SRBD1: variants seen among roughly 807,000 people sequenced by gnomAD.
SRBD1 encodes the protein S1 RNA binding domain 1.
Under a neutral mutation model 115.3 loss-of-function variants are expected in SRBD1, and 88 were observed. The ratio of observed to expected loss-of-function variants is 0.76; its 90% CI spans 0.64 to 0.91. The LOEUF (loss-of-function observed/expected upper bound fraction) is 0.91, where lower values mean the gene tolerates loss of function less well. Among genes scored for constraint, SRBD1 ranks in the 40% least tolerant of loss-of-function variants. The pLI, the probability that SRBD1 is intolerant of heterozygous loss-of-function variation, is 0.00. For missense variants in SRBD1, 1,385 were observed against 1,177.4 expected, an observed-to-expected ratio of 1.18 and a Z score of -2.58; for synonymous variants, 509 against 407.7, an observed-to-expected ratio of 1.25 and a Z score of -2.99.
chr2:45,430,486 G>A (rs547366895), intron 16 of SRBD1, among the ~76,000 whole-genome samples: 6 of 152,110 alleles, frequency 3.9e-5, no homozygotes, highest in Admixed American at 6.5e-5. Flanking sequence ...CAGCAATAAC[G>A]TCACACATCT....
At chr2:45,502,054 G>A (rs1013628798) in intron 14 of SRBD1, among the ~76,000 whole-genome samples, 15 of 152,198 alleles carry the variant, frequency 9.9e-5, no homozygotes, top group Admixed American at 2.6e-4. Context: ...GGGGCAGACT[G>A]ACACCTCACA....
intron 7 of SRBD1, among the ~76,000 whole-genome samples, chr2:45,576,951 A>G (rs1462117651): frequency 6.6e-6 from 1 of 152,186 alleles, no homozygotes; most frequent in East Asian, 1.9e-4. Flanking sequence ...AAATTGTGCT[A>G]GAGCGCTAGA....
At chr2:45,559,282 T>C (rs1459338242) in intron 10 of SRBD1, among the ~76,000 whole-genome samples, 1 of 152,074 alleles carries the variant, frequency 6.6e-6, no homozygotes, top group Non-Finnish European at 1.5e-5. Flanking sequence ...CCACCATCCT[T>C]AAAAGAAAAA....
intron 9 of SRBD1, among the ~76,000 whole-genome samples, chr2:45,568,257 T>C (rs568087150): frequency 3.3e-4 from 51 of 152,246 alleles, no homozygotes; most frequent in Non-Finnish European, 5.3e-4. Context: ...AAGAATTTAC[T>C]AAGCAGCTAT....
intron 17 of SRBD1, among the ~76,000 whole-genome samples, chr2:45,419,024 G>C (rs939668703): frequency 1.1e-4 from 16 of 152,094 alleles, no homozygotes; most frequent in African/African-American, 3.6e-4. Flanking sequence ...AATTGTCATG[G>C]TTAGTATAAA....
intron 14 of SRBD1, among the ~76,000 whole-genome samples, chr2:45,523,995 C>G (rs1441729493): frequency 1.3e-5 from 2 of 151,974 alleles, no homozygotes; most frequent in Non-Finnish European, 2.9e-5. Context: ...AAGACTGATT[C>G]AACAACCAAA....
At chr2:45,390,396 T>C (rs1433821958) in intron 20 of SRBD1, among the ~76,000 whole-genome samples, 1 of 152,238 alleles carries the variant, frequency 6.6e-6, no homozygotes, top group Non-Finnish European at 1.5e-5. Context: ...TTGTTCATTA[T>C]TGTCCAAAAG....
At chr2:45,539,163 A>C (rs1270498492) in intron 14 of SRBD1, among the ~76,000 whole-genome samples, 1 of 152,140 alleles carries the variant, frequency 6.6e-6, no homozygotes, top group Non-Finnish European at 1.5e-5. Flanking sequence ...ACCTGGATTC[A>C]TCTTTCACTG....
At chr2:45,454,770 T>C (rs1669103007) in intron 16 of SRBD1, among the ~76,000 whole-genome samples, 1 of 151,866 alleles carries the variant, frequency 6.6e-6, no homozygotes, top group South Asian at 2.1e-4. Flanking sequence ...GTCACAATCA[T>C]TCAGCAAATT....
At chr2:45,601,287 C>G (rs575494476) in intron 3 of SRBD1, among the ~76,000 whole-genome samples, 1 of 152,310 alleles carries the variant, frequency 6.6e-6, no homozygotes, top group South Asian at 2.1e-4. Context: ...ACTTAATTCC[C>G]TATTCAGATT....
At chr2:45,409,430 G>T (rs1411579865) in intron 19 of SRBD1, among the ~76,000 whole-genome samples, 3 of 148,946 alleles carry the variant, frequency 2.0e-5, no homozygotes, top group African/African-American at 5.0e-5. Context: ...CTGAACCATG[G>T]CCCAAAGTTG....
chr2:45,494,570 A>T (rs1416893630), intron 14 of SRBD1, among the ~76,000 whole-genome samples: 1 of 152,246 alleles, frequency 6.6e-6, no homozygotes, highest in Non-Finnish European at 1.5e-5. Flanking sequence ...CCATTTAAGA[A>T]GCAAATGAAT....
chr2:45,546,300 T>C (rs1672117348), intron 14 of SRBD1: 2 of 985,448 alleles, frequency 2.0e-6, no homozygotes, highest in Non-Finnish European at 2.4e-6. Context: ...AAATACTTTT[T>C]AATTCATAAT....
At chr2:45,448,075 T>C (rs1201466999) in intron 16 of SRBD1, 1 of 152,194 alleles carries the variant, frequency 6.6e-6, no homozygotes, top group Non-Finnish European at 1.5e-5. Context: ...CTGAGTCCTC[T>C]CTTCAATAAG....
At chr2:45,520,967 G>A (rs1401888637) in intron 14 of SRBD1, among the ~76,000 whole-genome samples, 2 of 152,126 alleles carry the variant, frequency 1.3e-5, no homozygotes, top group African/African-American at 4.8e-5. Flanking sequence ...AAAGGCAGAG[G>A]GTCCTCTGAG....
chr2:45,599,931 C>T (rs1206340088), intron 3 of SRBD1, 96 bp from the exon 4 acceptor site: 7 of 1,318,042 alleles, frequency 5.3e-6, no homozygotes, highest in Non-Finnish European at 7.1e-6. Flanking sequence ...ATTATTGATA[C>T]ACACAATAAC....
intron 16 of SRBD1, among the ~76,000 whole-genome samples, chr2:45,428,844 C>CA (rs1168763783): frequency 6.6e-6 from 1 of 151,916 alleles, no homozygotes; most frequent in African/African-American, 2.4e-5. Flanking sequence ...GATACAGATA[C>CA]AAAAAACTCT....
At position 45,468,999 on chromosome 2, in the gene SRBD1, T is replaced by C. The variant is rs529673269; in HGVS notation, c.2049+7994A>G. On this transcript the variant is annotated intron_variant, in intron 16 of 20. Transcript: ENST00000263736. Reference sequence around the variant, plus strand: ...AAATTTTTTCATAGCTTTATTATTCTTTTGTATCTCCTCTTCTGTGAACTG... The same window carrying C: ...AAATTTTTTCATAGCTTTATTATTCCTTTGTATCTCCTCTTCTGTGAACTG... 2.6e-5 allele frequency among the ~76,000 whole-genome samples: 4 copies of C among 152,326 alleles called. No homozygotes were observed. The East Asian group carries it at 7.7e-4, about 29-fold the overall frequency.
At chr2:45,608,615 C>T (rs1240077690) in intron 1 of SRBD1, among the ~76,000 whole-genome samples, 1 of 151,836 alleles carries the variant, frequency 6.6e-6, no homozygotes, top group Non-Finnish European at 1.5e-5. Flanking sequence ...CTAATCCCTC[C>T]ATCCCAAACC....
Sources: allele counts gnomAD v4.1 joint callset (sites outside exome capture counted in the v4.1 genomes callset), GRCh38; gene constraint gnomAD v4.1.1; transcripts MANE v1.5; gene names NCBI Gene and HGNC (gene_info 2026-07-23, HGNC 2026-07-21).